IGSF11: variants seen among roughly 807,000 people sequenced by gnomAD.
IGSF11 encodes the protein immunoglobulin superfamily member 11.
IGSF11 carries 22 observed loss-of-function variants against 41.0 expected under a neutral mutation model. The observed-to-expected ratio is 0.54, with a 90% CI of 0.38 to 0.77. IGSF11 has a LOEUF of 0.77. Among genes scored for constraint, IGSF11 ranks in the 30% least tolerant of loss-of-function variants. The pLI is 0.00. For missense variants in IGSF11, 444 were observed against 530.8 expected (o/e 0.84, Z 1.61); for synonymous variants, 219 against 201.3 (o/e 1.09, Z -0.74).
At chr3:119,093,205 A>G (rs569488268) in intron 1 of IGSF11, among the ~76,000 whole-genome samples, 9 of 152,346 alleles carry the variant, frequency 5.9e-5, no homozygotes, top group African/African-American at 2.2e-4. Flanking sequence ...AGAAGACACT[A>G]AAGATTGCTG....
intron 1 of IGSF11, among the ~76,000 whole-genome samples, chr3:119,005,245 G>T (rs1037145667): frequency 6.9e-6 from 1 of 145,724 alleles, no homozygotes; most frequent in Non-Finnish European, 1.5e-5. Context: ...TTTGATCTTT[G>T]TTGGTTTAAA....
chr3:119,046,273 G>A (rs200872409), intron 1 of IGSF11, among the ~76,000 whole-genome samples: 24,005 of 145,672 alleles, frequency 0.16, 2,413 homozygotes, highest in Non-Finnish European at 0.23. Context: ...GTATAACTAG[G>A]ATAACCAATA....
In IGSF11 at chr3:118,942,685, A is replaced by AACAATAACAATT. The variant is rs1483759355; in HGVS notation, c.53-12422_53-12411dup. Among the ~76,000 whole-genome samples the AACAATAACAATT allele has an allele frequency of 3.3e-5, 5 of 152,338 alleles. 1 individual carries two copies. The highest frequency in any genetic ancestry group is 1.9e-4 in the East Asian group (1 of 5,186). On this transcript the variant is annotated intron_variant, in intron 1 of 6. Transcript: ENST00000393775. Reference sequence around the variant, plus strand: ...CTGACTACAGCAAGCAACAAATGAAAACAATAACAATTATGTCTTTCTCCT... The same window carrying AACAATAACAATT: ...CTGACTACAGCAAGCAACAAATGAAAACAATAACAATTACAATAACAATTATGTCTTTCTCCT...
intron 1 of IGSF11, among the ~76,000 whole-genome samples, chr3:119,116,133 G>A (rs1251338083): frequency 6.6e-6 from 1 of 152,194 alleles, no homozygotes; most frequent in Admixed American, 6.5e-5. Context: ...GTTTCTAGAT[G>A]AGATTAGCAT....
chr3:118,987,020 T>G (rs1052527499), intron 1 of IGSF11, among the ~76,000 whole-genome samples: 1 of 152,204 alleles, frequency 6.6e-6, no homozygotes, highest in Admixed American at 6.5e-5. Context: ...TTCATTTATC[T>G]AGACATCTGT....
chr3:119,055,416 C>G (rs529235919), intron 1 of IGSF11, among the ~76,000 whole-genome samples: 1 of 152,154 alleles, frequency 6.6e-6, no homozygotes, highest in African/African-American at 2.4e-5. Context: ...ACAAGAAGAG[C>G]TAACTATCCT....
chr3:118,938,755 A>T (rs1279309486), intron 1 of IGSF11, among the ~76,000 whole-genome samples: 1 of 152,216 alleles, frequency 6.6e-6, no homozygotes, highest in African/African-American at 2.4e-5. Context: ...GTAACTTATA[A>T]GATAATATAG....
intron 1 of IGSF11, among the ~76,000 whole-genome samples, chr3:119,079,840 T>C (rs562095255): frequency 7.9e-5 from 12 of 152,160 alleles, no homozygotes; most frequent in South Asian, 6.2e-4. Context: ...AGTGAATACA[T>C]AGGGACACAA....
chr3:119,086,005 C>T (rs1032946578), intron 1 of IGSF11, among the ~76,000 whole-genome samples: 12 of 152,328 alleles, frequency 7.9e-5, no homozygotes, highest in African/African-American at 2.6e-4. Flanking sequence ...ATACCCTCTA[C>T]TTGGGACACA....
chr3:119,129,510 G>T (rs2077448732), intron 1 of IGSF11, among the ~76,000 whole-genome samples: 1 of 151,970 alleles, frequency 6.6e-6, no homozygotes, highest in Non-Finnish European at 1.5e-5. Context: ...GATATAAATA[G>T]AAACAACAAA....
At chr3:118,983,861 A>G (rs1934986913) in intron 1 of IGSF11, among the ~76,000 whole-genome samples, 8 of 152,166 alleles carry the variant, frequency 5.3e-5, no homozygotes, top group Admixed American at 5.2e-4. Context: ...ATTTTTTTCT[A>G]TGTCTAAACA....
chr3:119,123,599 G>C lies in IGSF11; in HGVS notation c.-13-18394C>G, dbSNP rs1426818900. Among the ~76,000 whole-genome samples, 3 of 152,212 alleles carry C rather than the reference G, an allele frequency of 2.0e-5. No homozygotes were observed. The East Asian group carries it at 5.8e-4, about 29-fold the overall frequency. ...AGTATGATGCACTGCAGCAGTCCCAGTGGTGATGGCCACAGGGCTGCTTCT... is the reference window on the plus strand; with the variant it reads ...AGTATGATGCACTGCAGCAGTCCCACTGGTGATGGCCACAGGGCTGCTTCT... On this transcript the variant is annotated intron_variant, in intron 1 of 7. Coordinates refer to the IGSF11 transcript ENST00000425327.
At chr3:119,105,316 C>T (rs1045739510), upstream of IGSF11, 1 of 623,476 alleles carries the variant, frequency 1.6e-6, no homozygotes, top group African/African-American at 1.9e-5. Flanking sequence ...TTCTTGGGTA[C>T]AGGATTTGGA....
intron 1 of IGSF11, among the ~76,000 whole-genome samples, chr3:119,030,975 G>A (rs1357872631): frequency 6.6e-6 from 1 of 152,118 alleles, no homozygotes; most frequent in South Asian, 2.1e-4. Flanking sequence ...CTAGTTATGG[G>A]GCCAGGCACG....
intron 1 of IGSF11, among the ~76,000 whole-genome samples, chr3:119,020,728 C>T (rs1323701923): frequency 6.6e-6 from 1 of 152,136 alleles, no homozygotes; most frequent in African/African-American, 2.4e-5. Context: ...GGATAAATAC[C>T]AGGCAGGCAA....
chr3:118,906,272 T>A (rs1281471591), intron 4 of IGSF11, among the ~76,000 whole-genome samples: 1 of 151,926 alleles, frequency 6.6e-6, no homozygotes, highest in Non-Finnish European at 1.5e-5. Flanking sequence ...AAAGGAAATG[T>A]GAGAGGAAGC....
chr3:119,076,569 A>G (rs757921569), intron 1 of IGSF11, among the ~76,000 whole-genome samples: 10 of 152,324 alleles, frequency 6.6e-5, no homozygotes, highest in Middle Eastern at 3.4e-3. Context: ...TTACAAGAAA[A>G]AAACAAACAA....
chr3:119,014,940 T>C (rs1576646762), intron 1 of IGSF11, among the ~76,000 whole-genome samples: 1 of 152,330 alleles, frequency 6.6e-6, no homozygotes, highest in African/African-American at 2.4e-5. Flanking sequence ...TTTATGTATC[T>C]AAAAAGTGTA....
intron 1 of IGSF11, among the ~76,000 whole-genome samples, chr3:119,065,154 T>C (rs1038178986): frequency 2.0e-5 from 3 of 152,208 alleles, no homozygotes; most frequent in Non-Finnish European, 2.9e-5. Flanking sequence ...AATAGATATA[T>C]TTATCAAATT....
Sources: gnomAD v4.1 joint callset for allele counts (sites outside exome capture counted in the v4.1 genomes callset) on GRCh38, gnomAD v4.1.1 for gene constraint, MANE v1.5 for transcripts, NCBI Gene and HGNC (gene_info 2026-07-23, HGNC 2026-07-21) for gene names.